The following CNTRL variants were observed in gnomAD, a reference collection of about 807,000 sequenced individuals.
CNTRL encodes 110 kDa centrosomal protein.
A neutral mutation model predicts 303.7 loss-of-function variants in CNTRL; 233 were observed. The observed-to-expected ratio is 0.77, with a 90% CI of 0.69 to 0.86. CNTRL has a LOEUF of 0.86. CNTRL is among the 40% of genes least tolerant of loss of function. The pLI is 0.00. For missense variants in CNTRL, 2,524 were observed against 2,650.6 expected, an observed-to-expected ratio of 0.95 and a Z score of 1.05; for synonymous variants, 900 against 922.2, an observed-to-expected ratio of 0.98 and a Z score of 0.44.
Position 121,116,588 on chromosome 9 carries a change from G to C in CNTRL, c.1455+1388G>C, listed in dbSNP as rs527897444. Among the ~76,000 whole-genome samples the C allele has an allele frequency of 2.6e-4, 40 of 152,246 alleles. 1 individual carries two copies. The Middle Eastern group carries it at 0.01, about 39-fold the overall frequency. On this transcript the variant is annotated intron_variant, in intron 11 of 43. Coordinates refer to ENST00000373855, the MANE Select transcript of CNTRL (RefSeq NM_007018.6). The stretch of plus-strand genomic sequence containing the variant: ...TCTGCCCGTCTTGGCCTCCTAAATT[G>C]TTCATAAGCCATCTTAAGAAGTTTG...
rs1375764330 is a variant in CNTRL, at chr9:121,090,255, A to G, written c.218-20A>G. On this transcript the variant is annotated intron_variant, in intron 3 of 43. Coordinates refer to ENST00000373855, the MANE Select transcript of CNTRL (RefSeq NM_007018.6). The stretch of plus-strand genomic sequence containing the variant: ...TCATGTCTTTCCTCTACTGATGATG[A>G]TCTGTTTCTATAATTTCAGGAGCTG... 6 of 1,580,864 alleles carry G rather than the reference A, an allele frequency of 3.8e-6. No homozygotes were observed. In the Admixed American group the frequency reaches 9.3e-5, roughly 24 times the overall value.
intron 27 of CNTRL, among the ~76,000 whole-genome samples, chr9:121,155,602 C>T (rs976879461): frequency 6.6e-6 from 1 of 152,154 alleles, no homozygotes; most frequent in Non-Finnish European, 1.5e-5. Context: ...GGATTACAGG[C>T]GTGAGCCACT....
intron 8 of CNTRL, chr9:121,111,357 G>A (rs1047423482): frequency 2.6e-5 from 4 of 152,222 alleles, no homozygotes; most frequent in African/African-American, 9.6e-5. Context: ...TATGTAAAAT[G>A]CTTAGCACAA....
chr9:121,139,042 A>G (rs2051356478), intron 16 of CNTRL, among the ~76,000 whole-genome samples: 1 of 152,178 alleles, frequency 6.6e-6, no homozygotes, highest in Non-Finnish European at 1.5e-5. Flanking sequence ...TTCCACTGAA[A>G]TGTCTTTGTA....
chr9:121,124,944 G>GAAA, intron 13 of CNTRL, among the ~76,000 whole-genome samples: 1 of 135,892 alleles, frequency 7.4e-6, no homozygotes, highest in East Asian at 2.1e-4. Flanking sequence ...AACTTTGTCT[G>GAAA]AAAAAAAAAA....
intron 4 of CNTRL, among the ~76,000 whole-genome samples, chr9:121,091,810 C>T (rs2132334175): frequency 6.6e-6 from 1 of 151,508 alleles, no homozygotes; most frequent in East Asian, 1.9e-4. Context: ...CGCCATTGTA[C>T]TCTAGCCTGG....
In CNTRL at chr9:121,075,658, T is replaced by TG. The variant is rs2047892270; in HGVS notation, c.-205+593dup. Among the ~76,000 whole-genome samples, 4 of 152,330 alleles carry TG rather than the reference T, an allele frequency of 2.6e-5. No individual in the cohort carries two copies. The South Asian group carries it at 8.3e-4, about 32-fold the overall frequency. On this transcript the variant is annotated intron_variant, in intron 1 of 43. Coordinates refer to ENST00000373855, the MANE Select transcript of CNTRL (RefSeq NM_007018.6). ...TGTAACTTAACCAGGTCTGTGACCC[T>TG]GGATATGTGTCTGAGCCTTCCTGAT...
rs931596803 is a variant in CNTRL at position 121,177,194 on chromosome 9, T to C, written c.*8T>C. 1.2e-6 allele frequency: 2 copies of C among 1,607,206 alleles called. No individual in the cohort carries two copies. Among genetic ancestry groups the C allele is most frequent in the Non-Finnish European group, 1.7e-6 (2 of 1,174,896 alleles). ...AATGCCTCAGCCAGATGAGGAATAC[T>C]GTCTTGTGTAAATATATTCAAGGAA... On this transcript the variant is annotated 3_prime_UTR_variant, in exon 44 of 44. Coordinates refer to ENST00000373855, the MANE Select transcript of CNTRL (RefSeq NM_007018.6).
At chr9:121,126,240 A>C (rs1386360644) in intron 14 of CNTRL, among the ~76,000 whole-genome samples, 1 of 152,228 alleles carries the variant, frequency 6.6e-6, no homozygotes, top group African/African-American at 2.4e-5. Flanking sequence ...TATTGTATTA[A>C]ATGCTCATAT....
chr9:121,130,573 A>T (rs2050798452), intron 14 of CNTRL, among the ~76,000 whole-genome samples: 1 of 152,050 alleles, frequency 6.6e-6, no homozygotes, highest in Non-Finnish European at 1.5e-5. Context: ...GATCTTTTCA[A>T]AAAACCAGCT....
chr9:121,120,480 C>T (rs78560983), intron 12 of CNTRL, among the ~76,000 whole-genome samples: 23 of 152,268 alleles, frequency 1.5e-4, no homozygotes, highest in African/African-American at 5.5e-4. Context: ...CAATCTCCCA[C>T]CCATGTAAGG....
intron 24 of CNTRL, among the ~76,000 whole-genome samples, chr9:121,149,686 C>T (rs1041936130): frequency 1.8e-4 from 28 of 152,252 alleles, no homozygotes; most frequent in African/African-American, 5.3e-4. Context: ...GGATTACAGG[C>T]GTGAGCCACC....
intron 3 of CNTRL, 62 bp from the exon 4 acceptor site, chr9:121,090,213 C>T: frequency 7.7e-6 from 11 of 1,424,324 alleles, no homozygotes; most frequent in Non-Finnish European, 1.0e-5. Context: ...ATCAAAACAA[C>T]TTGTTCTTTG....
In CNTRL at chr9:121,115,338, T is replaced by G. The variant is rs775577545; in HGVS notation, c.1455+138T>G. The G allele has an allele frequency of 5.9e-6, 3 of 506,002 alleles. No individual in the cohort carries two copies. The African/African-American group carries it at 6.0e-5, about 10-fold the overall frequency. 31.3% of individuals were successfully genotyped at this position (506,002 alleles called of 1,614,324 possible). On this transcript the variant is annotated intron_variant, in intron 11 of 43. Coordinates refer to ENST00000373855, the MANE Select transcript of CNTRL (RefSeq NM_007018.6). ...GAATGATAAATTTCAGAGTCAAATA[T>G]GGTTCTAGAATTTGCCAATTGTAAT...
In CNTRL at chr9:121,168,198, A is replaced by G; in HGVS notation, c.5947A>G (p.Thr1983Ala). The G allele has an allele frequency of 6.2e-7, 1 of 1,614,202 alleles. No individual in the cohort carries two copies. Among genetic ancestry groups the G allele is most frequent in the Non-Finnish European group, 8.5e-7 (1 of 1,180,026 alleles). Reference sequence around the variant, plus strand: ...ACAGCACCAGCTGGAAAAGGAATTAACAGACCAGAAAAGCAAACTGGACCA... The same window carrying G: ...ACAGCACCAGCTGGAAAAGGAATTAGCAGACCAGAAAAGCAAACTGGACCA... ...EQQHQLEKEL[T>A]DQKSKLDQVL... Residue 1983 changes from threonine (T) to alanine (A), a missense_variant, in exon 38 of 44, where the codon ACA becomes GCA. Thr to Ala is a moderately conservative substitution (Grantham distance 58). Coordinates refer to ENST00000373855, the MANE Select transcript of CNTRL (RefSeq NM_007018.6).
Position 121,150,216 on chromosome 9 carries a change from C to G in CNTRL, c.3696C>G (p.Asp1232Glu). 1 of 1,613,414 alleles carries G rather than the reference C, an allele frequency of 6.2e-7. No homozygotes were observed. Among genetic ancestry groups the G allele is most frequent in the East Asian group, 2.2e-5 (1 of 44,814 alleles). ...GDSQEESELD[D>E]QEEPPFVPPP... The stretch of plus-strand genomic sequence containing the variant: ...GTCAGGAAGAGAGTGAGCTGGATGA[C>G]CAAGAAGAACCCCCATTTGTGCCTC... Residue 1232 changes from aspartate to glutamate, a missense_variant, in exon 25 of 44, where the codon GAC becomes GAG. Asp to Glu is a conservative substitution (Grantham distance 45). Coordinates refer to ENST00000373855, the MANE Select transcript of CNTRL (RefSeq NM_007018.6).
At position 121,171,564 on chromosome 9, in the gene CNTRL, GC is replaced by G; in HGVS notation, c.6417+19del. On this transcript the variant is annotated intron_variant, in intron 40 of 43. Coordinates refer to ENST00000373855, the MANE Select transcript of CNTRL (RefSeq NM_007018.6). ...CAAGAAACAGGTGTGTGCCCAGAAA[GC>G]CCAGCTGGCCAGCCTGGGGAGAGAG... 6.2e-7 allele frequency: 1 copy of G among 1,610,444 alleles called. No individual in the cohort carries two copies. The highest frequency in any genetic ancestry group is 8.5e-7 in the Non-Finnish European group (1 of 1,178,188).
intron 7 of CNTRL, among the ~76,000 whole-genome samples, chr9:121,099,466 A>T (rs929159710): frequency 4.6e-5 from 7 of 152,248 alleles, no homozygotes; most frequent in Non-Finnish European, 1.0e-4. Flanking sequence ...AGAGCAGAAA[A>T]GCTGAAAATT....
Position 121,177,257 on chromosome 9 carries a change from G to A in CNTRL, c.*71G>A. ...ACCTCACTGACTTCATAATTGGAAT[G>A]TCACATGGTTTTTTTAATCAAGATG... On this transcript the variant is annotated 3_prime_UTR_variant, in exon 44 of 44. Coordinates refer to ENST00000373855, the MANE Select transcript of CNTRL (RefSeq NM_007018.6). 7.6e-7 allele frequency: 1 copy of A among 1,308,688 alleles called. No homozygotes were observed. Among genetic ancestry groups the A allele is most frequent in the Non-Finnish European group, 1.1e-6 (1 of 915,284 alleles). 81.1% of individuals were successfully genotyped at this position (1,308,688 alleles called of 1,614,324 possible).
Sources: allele counts gnomAD v4.1 joint callset (sites outside exome capture counted in the v4.1 genomes callset), GRCh38; gene constraint gnomAD v4.1.1; transcripts MANE v1.5; gene names NCBI Gene and HGNC (gene_info 2026-07-23, HGNC 2026-07-21).